Variants in SIRPA observed in about 807,000 individuals in gnomAD.
SIRPA encodes the protein tyrosine-protein phosphatase non-receptor type substrate 1.
Under a neutral mutation model 50.3 loss-of-function variants are expected in SIRPA, and 9 were observed. That is an observed-to-expected ratio of 0.18 (90% CI 0.11 to 0.31). The LOEUF is 0.31. Among genes scored for constraint, SIRPA ranks in the 10% least tolerant of loss-of-function variants. The pLI is 1.00. For missense variants in SIRPA, 474 were observed against 661.6 expected (o/e 0.72, Z 3.11); for synonymous variants, 265 against 284.1 (o/e 0.93, Z 0.68).
chr20:1,896,977 ACT>A (rs1251067787), intron 1 of SIRPA, among the ~76,000 whole-genome samples: 2 of 152,116 alleles, frequency 1.3e-5, no homozygotes, highest in African/African-American at 4.8e-5. Flanking sequence ...CACAAGTGTC[ACT>A]CACAAGTGCT....
chr20:1,914,295 G>T (rs759799965), intron 1 of SIRPA, among the ~76,000 whole-genome samples: 1 of 152,134 alleles, frequency 6.6e-6, no homozygotes, highest in Non-Finnish European at 1.5e-5. Flanking sequence ...CAAGAACAAG[G>T]GGCGAGCCAG....
At chr20:1,895,235 C>T, upstream of SIRPA, 2 of 423,854 alleles carry the variant, frequency 4.7e-6, no homozygotes, top group Non-Finnish European at 8.2e-6. Flanking sequence ...TCCCAGTCTC[C>T]GTCTCTCCAT....
Position 1,937,597 on chromosome 20 carries a change from T to A in SIRPA, c.*29T>A. On this transcript the variant is annotated 3_prime_UTR_variant, in exon 8 of 8. Coordinates refer to ENST00000358771, the MANE Select transcript of SIRPA (RefSeq NM_001040023.2). The surrounding 1 kb of genome is among the most constrained non-coding windows in gnomAD (Gnocchi z 8.3). ...GGACCGTGGTTTGCTCTAGCACCCA[T>A]CTCTACGCGCTTTCTTGTCCCACAG... is the stretch of plus-strand genomic sequence containing the variant. The A allele has an allele frequency of 6.2e-7, 1 of 1,607,336 alleles. No homozygotes were observed. The highest frequency in any genetic ancestry group is 8.5e-7 in the Non-Finnish European group (1 of 1,175,326).
chr20:1,895,248 C>T (rs1257838853), upstream of SIRPA: 6 of 435,180 alleles, frequency 1.4e-5, no homozygotes, highest in Non-Finnish European at 4.0e-6. Context: ...CTCTCCATTT[C>T]TCCTGGGGGG....
rs547711554 is a variant in SIRPA, at chr20:1,927,278, A to G, written c.1202-597A>G. 3.3e-5 allele frequency among the ~76,000 whole-genome samples: 5 copies of G among 152,328 alleles called. No homozygotes were observed. In the East Asian group the frequency reaches 9.7e-4, roughly 29 times the overall value. On this transcript the variant is annotated intron_variant, in intron 5 of 7. Coordinates refer to ENST00000358771, the MANE Select transcript of SIRPA (RefSeq NM_001040023.2). This position sits in a 1 kb window ranked among gnomAD's most constrained non-coding sequence, Gnocchi z 6.5. The stretch of plus-strand genomic sequence containing the variant: ...TGGAGGCTTCTCTGTGGGTTACCCC[A>G]TATCACAGGTTTAAAACCTCTGAAC...
In SIRPA at chr20:1,918,362, T is replaced by C. The variant is rs1277636789; in HGVS notation, c.436+2907T>C. On this transcript the variant is annotated intron_variant, in intron 2 of 7. Coordinates refer to ENST00000358771, the MANE Select transcript of SIRPA (RefSeq NM_001040023.2). ...AGGGGCACCCACCACCACACCAGCT[T>C]TTTTTTTTTTTTTTTTTTTTTGTAT... 9.2e-3 allele frequency among the ~76,000 whole-genome samples: 701 copies of C among 75,936 alleles called. 9 individuals are homozygous for C. The highest frequency in any genetic ancestry group is 0.032 in the African/African-American group (422 of 13,062). 49.8% of individuals were successfully genotyped at this position (75,936 alleles called of 152,430 possible).
In SIRPA at chr20:1,898,308, G is replaced by T. The variant is rs989895394; in HGVS notation, c.79+2782G>T. On this transcript the variant is annotated intron_variant, in intron 1 of 7. Transcript: ENST00000358771. The surrounding 1 kb of genome is among the most constrained non-coding windows in gnomAD (Gnocchi z 4.3). ...GGCTCAACACATCAGGCTGTTGGAA[G>T]TTCCTTTAAAGCCATAGTTTTCTCT... is the stretch of plus-strand genomic sequence containing the variant. Among the ~76,000 whole-genome samples the T allele has an allele frequency of 6.6e-5, 10 of 152,214 alleles. No individual in the cohort carries two copies. Among genetic ancestry groups the T allele is most frequent in the Non-Finnish European group, 1.3e-4 (9 of 68,034 alleles).
chr20:1,923,234 G>C (rs915670165), intron 4 of SIRPA, among the ~76,000 whole-genome samples: 4 of 152,274 alleles, frequency 2.6e-5, no homozygotes, highest in African/African-American at 4.8e-5. Flanking sequence ...GAGAGAGTGT[G>C]AGGGTGTCAA....
At chr20:1,917,675 A>G (rs1985384758) in intron 2 of SIRPA, among the ~76,000 whole-genome samples, 1 of 152,188 alleles carries the variant, frequency 6.6e-6, no homozygotes, top group Non-Finnish European at 1.5e-5. Context: ...GCATCCATGG[A>G]GCAGAGTTGG....
At chr20:1,935,202 T>C (rs1986509442) in intron 7 of SIRPA, among the ~76,000 whole-genome samples, 1 of 152,222 alleles carries the variant, frequency 6.6e-6, no homozygotes, top group South Asian at 2.1e-4. Context: ...CCTTTGCTGA[T>C]GGAAAGACCC....
intron 7 of SIRPA, among the ~76,000 whole-genome samples, chr20:1,935,867 G>A (rs1196328436): frequency 6.6e-6 from 1 of 152,162 alleles, no homozygotes; most frequent in Non-Finnish European, 1.5e-5. Flanking sequence ...TGTCAACACG[G>A]ATTTCCCAGA....
At chr20:1,909,146 G>A (rs890775542) in intron 1 of SIRPA, among the ~76,000 whole-genome samples, 2 of 152,210 alleles carry the variant, frequency 1.3e-5, no homozygotes, top group African/African-American at 4.8e-5. Flanking sequence ...TTAGAATGTT[G>A]AGCCCTGTGT....
At chr20:1,897,741 G>A (rs1008029459) in intron 1 of SIRPA, among the ~76,000 whole-genome samples, 1 of 152,090 alleles carries the variant, frequency 6.6e-6, no homozygotes, top group Non-Finnish European at 1.5e-5. Context: ...ACTGTTTTGG[G>A]GGGGTGGGGC....
upstream of SIRPA, chr20:1,895,401 G>T: frequency 8.5e-7 from 1 of 1,171,988 alleles, no homozygotes; most frequent in Non-Finnish European, 1.1e-6. Context: ...TCCCGCCCGA[G>T]CGCGCACTCA....
At chr20:1,899,060 A>G (rs1159687696) in intron 1 of SIRPA, among the ~76,000 whole-genome samples, 2 of 151,668 alleles carry the variant, frequency 1.3e-5, no homozygotes, top group African/African-American at 2.4e-5. Context: ...GCGACAGGTT[A>G]TTTTCTTATT....
At chr20:1,907,883 T>A (rs991031366) in intron 1 of SIRPA, among the ~76,000 whole-genome samples, 1 of 152,180 alleles carries the variant, frequency 6.6e-6, no homozygotes, top group Non-Finnish European at 1.5e-5. Context: ...AACTGTGGCA[T>A]CCATGCAGCC....
In SIRPA at chr20:1,895,515, G is replaced by A; in HGVS notation, c.68G>A (p.Cys23Tyr). 1 of 1,460,386 alleles carries A rather than the reference G, an allele frequency of 6.8e-7. No individual in the cohort carries two copies. 90.5% of individuals were successfully genotyped at this position (1,460,386 alleles called of 1,614,324 possible). A position where few individuals can be genotyped will look rare whatever the true frequency, so the allele number is the denominator to read the frequency against. Residue 23 changes from cysteine (C) to tyrosine (Y), a missense_variant, in exon 1 of 8, where the codon TGC becomes TAC. This residue lies in a region of SIRPA where 72 missense variants were observed against 76.2 expected (regional missense o/e 0.94). Transcript: ENST00000358771. Reference protein sequence around the residue: ...PLLCLLLAASCAWSGVAGEEE... With the variant: ...PLLCLLLAASYAWSGVAGEEE... ...CTCTGCCTGCTGCTCGCCGCGTCCT[G>A]CGCCTGGTCAGGTAAGCACCCCCCC...
chr20:1,907,330 G>T lies in SIRPA; in HGVS notation c.80-7769G>T, dbSNP rs141514669. Among the ~76,000 whole-genome samples, 114 of 152,350 alleles carry T rather than the reference G, an allele frequency of 7.5e-4. 1 individual carries two copies. Among genetic ancestry groups the T allele is most frequent in the African/African-American group, 2.6e-3 (108 of 41,580 alleles). ...TGTCCCTGCCCAATGGGTGTATCCA[G>T]TGGTGCCGGCAGAATGTTCCCAGTG... is the stretch of plus-strand genomic sequence containing the variant. On this transcript the variant is annotated intron_variant, in intron 1 of 7. Coordinates refer to ENST00000358771, the MANE Select transcript of SIRPA (RefSeq NM_001040023.2).
chr20:1,896,716 G>T (rs1983849332), intron 1 of SIRPA, among the ~76,000 whole-genome samples: 1 of 152,034 alleles, frequency 6.6e-6, no homozygotes, highest in South Asian at 2.1e-4. Flanking sequence ...GTAGACAGCT[G>T]CTTCTCTCTG....
Sources: gnomAD v4.1 joint callset for allele counts (sites outside exome capture counted in the v4.1 genomes callset) on GRCh38, gnomAD v4.1.1 for gene constraint, gnomAD v4.1.1 regional missense constraint, Gnocchi (gnomAD v3.1) non-coding constraint, MANE v1.5 for transcripts, NCBI Gene and HGNC (gene_info 2026-07-23, HGNC 2026-07-21) for gene names.